SPHKAP: variants seen among roughly 807,000 people sequenced by gnomAD.
The protein encoded by SPHKAP is A-kinase anchor protein SPHKAP.
A neutral mutation model predicts 137.5 loss-of-function variants in SPHKAP; 67 were observed. The observed-to-expected ratio is 0.49, with a 90% CI of 0.40 to 0.60. SPHKAP has a LOEUF of 0.60. SPHKAP is among the 20% of genes least tolerant of loss of function. The pLI is 0.00. For missense variants in SPHKAP, 2,097 were observed against 2,069.3 expected (o/e 1.01, Z -0.26); for synonymous variants, 813 against 785.3 (o/e 1.04, Z -0.59).
intron 1 of SPHKAP, among the ~76,000 whole-genome samples, chr2:228,155,608 A>G (rs575164174): frequency 2.6e-5 from 4 of 152,314 alleles, no homozygotes; most frequent in African/African-American, 9.6e-5. Context: ...TTTCCTCATT[A>G]TTAGGACAAT....
chr2:228,131,729 T>C, intron 2 of SPHKAP: 1 of 949,988 alleles, frequency 1.1e-6, no homozygotes, highest in Non-Finnish European at 1.3e-6. Context: ...TAAAAAGAAG[T>C]ACTGGTGAAA....
chr2:228,133,762 A>T (rs1350316495), intron 1 of SPHKAP, among the ~76,000 whole-genome samples: 1 of 152,240 alleles, frequency 6.6e-6, no homozygotes, highest in East Asian at 1.9e-4. Flanking sequence ...TCAATTTTCA[A>T]TTAGCCATAA....
intron 3 of SPHKAP, among the ~76,000 whole-genome samples, chr2:228,101,291 C>A (rs531432469): frequency 6.6e-6 from 1 of 152,326 alleles, no homozygotes; most frequent in Admixed American, 6.5e-5. Flanking sequence ...TGATTTCTCT[C>A]TTTTCTTCAT....
intron 3 of SPHKAP, among the ~76,000 whole-genome samples, chr2:228,047,466 C>CAA (rs1229956684): frequency 1.8e-4 from 18 of 99,384 alleles, no homozygotes; most frequent in South Asian, 1.7e-3. Context: ...AACTCCATCT[C>CAA]AAAAAAAAAA....
intron 3 of SPHKAP, among the ~76,000 whole-genome samples, chr2:228,030,513 C>CAAAAAAAAAAAAAAAAAAAAAAAAAA (rs11287311): frequency 2.1e-5 from 1 of 48,772 alleles, no homozygotes. Context: ...GATACCATCT[C>CAAAAAAAAAAAAAAAAAAAAAAAAAA]AAAAAAAAAA....
At chr2:228,169,981 C>T (rs1167255885) in intron 1 of SPHKAP, 1 of 151,736 alleles carries the variant, frequency 6.6e-6, no homozygotes, top group African/African-American at 2.4e-5. Flanking sequence ...ATTCATGATT[C>T]ATGAGGAGGC....
intron 3 of SPHKAP, among the ~76,000 whole-genome samples, chr2:228,086,885 C>G (rs1362321058): frequency 6.6e-6 from 1 of 152,128 alleles, no homozygotes; most frequent in Non-Finnish European, 1.5e-5. Flanking sequence ...TAAAGAGAAC[C>G]AGGGAATGAA....
At chr2:228,120,317 A>G (rs1334236579) in intron 2 of SPHKAP, among the ~76,000 whole-genome samples, 5 of 152,148 alleles carry the variant, frequency 3.3e-5, no homozygotes, top group Admixed American at 3.3e-4. Context: ...GCTTTTTGCA[A>G]TATATACCTG....
At chr2:228,027,031 A>G (rs569047050) in intron 4 of SPHKAP, among the ~76,000 whole-genome samples, 1 of 152,310 alleles carries the variant, frequency 6.6e-6, no homozygotes, top group Admixed American at 6.5e-5. Flanking sequence ...CATACTGTCA[A>G]GCATTTACAT....
intron 9 of SPHKAP, chr2:227,991,888 CAATT>C (rs1457758028): frequency 1.2e-5 from 3 of 247,734 alleles, no homozygotes; most frequent in East Asian, 1.8e-4. Flanking sequence ...CAAAATATCA[CAATT>C]AAAGTTTTTC....
intron 3 of SPHKAP, among the ~76,000 whole-genome samples, chr2:228,030,094 C>CA (rs1468486901): frequency 6.6e-6 from 1 of 152,178 alleles, no homozygotes; most frequent in Non-Finnish European, 1.5e-5. Flanking sequence ...AAGATAAAAA[C>CA]AAAGCAAGAC....
intron 2 of SPHKAP, chr2:228,131,717 T>A: frequency 2.2e-6 from 2 of 908,214 alleles, no homozygotes; most frequent in Non-Finnish European, 2.6e-6. Context: ...CATGGCTAAG[T>A]TTAAAAAGAA....
intron 7 of SPHKAP, among the ~76,000 whole-genome samples, chr2:228,004,453 CTTT>C (rs1226172697): frequency 6.6e-6 from 1 of 150,862 alleles, no homozygotes; most frequent in Non-Finnish European, 1.5e-5. Context: ...CTTCTCTGTT[CTTT>C]ATTAGTCTTG....
At position 227,985,419 on chromosome 2, in the gene SPHKAP, GT is replaced by G. The variant is rs1166446558; in HGVS notation, c.4960-3560del. 2.6e-5 allele frequency among the ~76,000 whole-genome samples: 4 copies of G among 152,074 alleles called. No homozygotes were observed. In the East Asian group the frequency reaches 7.7e-4, roughly 29 times the overall value. On this transcript the variant is annotated intron_variant, in intron 11 of 11. Coordinates refer to ENST00000392056, the MANE Select transcript of SPHKAP (RefSeq NM_001142644.2). ...GAAGAAGTCAGAAAAGGACATTCTAGTTCTTTACCGGGCTTTTAAAACCATG... is the reference window on the plus strand; with the variant it reads ...GAAGAAGTCAGAAAAGGACATTCTAGTCTTTACCGGGCTTTTAAAACCATG...
At chr2:227,999,974 A>G (rs1191466232) in intron 7 of SPHKAP, among the ~76,000 whole-genome samples, 1 of 152,182 alleles carries the variant, frequency 6.6e-6, no homozygotes, top group East Asian at 1.9e-4. Flanking sequence ...TTCACTCTTG[A>G]TGTTGCATGT....
chr2:228,027,419 C>A, intron 4 of SPHKAP, 65 bp downstream of exon 4: 1 of 1,502,412 alleles, frequency 6.7e-7, no homozygotes, highest in Admixed American at 1.7e-5. Flanking sequence ...GCATTATTTA[C>A]AGATGAAATC....
At chr2:228,093,883 A>C (rs891981167) in intron 3 of SPHKAP, among the ~76,000 whole-genome samples, 2 of 150,516 alleles carry the variant, frequency 1.3e-5, no homozygotes, top group Non-Finnish European at 3.0e-5. Flanking sequence ...AAAAAAAAAA[A>C]AAACAAAGCT....
chr2:228,036,774 A>G (rs984131246), intron 3 of SPHKAP, among the ~76,000 whole-genome samples: 2 of 152,050 alleles, frequency 1.3e-5, no homozygotes, highest in African/African-American at 4.8e-5. Flanking sequence ...TCCGAAAACT[A>G]TCGCAAGGAC....
Position 228,018,815 on chromosome 2 carries a change from A to G in SPHKAP, c.2039T>C (p.Ile680Thr), listed in dbSNP as rs776705430. Residue 680 changes from isoleucine (I) to threonine (T), a missense_variant, in exon 7 of 12, where the codon ATT becomes ACT. By Grantham distance (89) the Ile-to-Thr change is moderately conservative. Transcript: ENST00000392056. ...CATATTTTTGTGGTGAACTTCATCA[A>G]TGGAATGCCTCAGGATAACATTGGA... is the stretch of plus-strand genomic sequence containing the variant. ...TLSNVILRHS[I>T]DEVHHKNMII... 1.1e-5 allele frequency: 17 copies of G among 1,614,086 alleles called. No individual in the cohort carries two copies. The East Asian group carries it at 2.0e-4, about 19-fold the overall frequency.
Sources: allele counts gnomAD v4.1 joint callset (sites outside exome capture counted in the v4.1 genomes callset), GRCh38; gene constraint gnomAD v4.1.1; transcripts MANE v1.5; gene names NCBI Gene and HGNC (gene_info 2026-07-23, HGNC 2026-07-21).